The following FAT2 variants were observed in gnomAD, a reference collection of about 807,000 sequenced individuals.
The protein encoded by FAT2 is FAT atypical cadherin 2.
Under a neutral mutation model 295.3 loss-of-function variants are expected in FAT2, and 150 were observed. That is an observed-to-expected ratio of 0.51 (90% CI 0.44 to 0.58). The LOEUF is 0.58. Ranked by LOEUF, FAT2 falls within the 20% of genes least tolerant of loss-of-function variation. The pLI is 0.00. For missense variants in FAT2, 4,868 were observed against 5,442.7 expected, an observed-to-expected ratio of 0.89 and a Z score of 3.32; for synonymous variants, 2,026 against 2,150.3, an observed-to-expected ratio of 0.94 and a Z score of 1.60.
Position 151,537,333 on chromosome 5 carries a change from GAAAAGA to G in FAT2, c.9193+454_9193+459del, listed in dbSNP as rs766409389. 9.7e-3 allele frequency among the ~76,000 whole-genome samples: 701 copies of G among 71,958 alleles called. 6 individuals are homozygous for G. Among genetic ancestry groups the G allele is most frequent in the African/African-American group, 0.023 (547 of 23,574 alleles). 47.2% of individuals were successfully genotyped at this position (71,958 alleles called of 152,430 possible). ...AGAAAAAGAAAGAGAAAAAAAGAAA[GAAAAGA>G]AAAGAAAAGAAAAAAGAAGGAAGGA... On this transcript the variant is annotated intron_variant, in intron 12 of 23. Coordinates refer to ENST00000261800, the MANE Select transcript of FAT2 (RefSeq NM_001447.3).
In FAT2 at chr5:151,567,299, C is replaced by G. The variant is rs1375031772; in HGVS notation, c.1633G>C (p.Glu545Gln). The G allele has an allele frequency of 4.3e-6, 7 of 1,614,034 alleles. No homozygotes were observed. The highest frequency in any genetic ancestry group is 5.1e-6 in the Non-Finnish European group (6 of 1,179,992). ...TGAAGAAAAATGGACACTTCCTTCT[C>G]CCGGCGAAAAGGGGATCCCCAGTCT... The part of the protein sequence containing the change: ...ASDWGSPFRR[E>Q]KEVSIFLQLR... Residue 545 changes from glutamate (E) to glutamine (Q), a missense_variant, in exon 2 of 24, where the codon GAG becomes CAG. Glu to Gln is a conservative substitution (Grantham distance 29). Around this residue, in one of 5 missense-constraint regions of FAT2, gnomAD observed 3,297 missense variants for 3,669.4 expected, o/e 0.90. Transcript: ENST00000261800.
chr5:151,591,610 A>G (rs74695274), upstream of FAT2, among the ~76,000 whole-genome samples: 1,752 of 149,864 alleles, frequency 0.012, 13 homozygotes, highest in Non-Finnish European at 0.02. Context: ...CAAGGGAACT[A>G]GAAAAGGTCA....
chr5:151,563,406 C>T lies in FAT2; in HGVS notation c.3493G>A (p.Asp1165Asn). The change falls in exon 3 of 24, where the codon GAC becomes AAC. Residue 1165 changes from aspartate (D) to asparagine (N), a missense_variant. Physicochemically the swap from Asp to Asn is conservative, Grantham distance 23. Transcript: ENST00000261800. Reference protein sequence around the residue: ...SVLQLDAWDPDSSSKGKLTFN... With the variant: ...SVLQLDAWDPNSSSKGKLTFN... ...GTCAGCTTCCCTTTGGAGCTGGAGT[C>T]TGGGTCCCAGGCATCCAGTTGAAGC... The T allele has an allele frequency of 6.2e-7, 1 of 1,614,200 alleles. No individual in the cohort carries two copies. The highest frequency in any genetic ancestry group is 8.5e-7 in the Non-Finnish European group (1 of 1,180,032).
chr5:151,584,023 A>C (rs1288355603), intron 1 of FAT2, among the ~76,000 whole-genome samples: 280 of 143,134 alleles, frequency 2.0e-3, no homozygotes, highest in Non-Finnish European at 3.4e-3. Context: ...AAAAAAAAAA[A>C]GTTTTTTTTA....
chr5:151,551,137 CAG>C (rs112584320), intron 7 of FAT2, among the ~76,000 whole-genome samples: 1 of 152,128 alleles, frequency 6.6e-6, no homozygotes, highest in African/African-American at 2.4e-5. Context: ...ATGTAAGAAA[CAG>C]ATAAAACACT....
intron 11 of FAT2, 77 bp from the exon 12 acceptor site, chr5:151,538,023 G>T: frequency 7.5e-7 from 1 of 1,340,672 alleles, no homozygotes; most frequent in Non-Finnish European, 1.0e-6. Flanking sequence ...GTGACTGACT[G>T]AGGGAGGCAG....
At chr5:151,518,723 T>C (rs773864487) in intron 19 of FAT2, among the ~76,000 whole-genome samples, 1 of 152,238 alleles carries the variant, frequency 6.6e-6, no homozygotes, top group Non-Finnish European at 1.5e-5. Flanking sequence ...CACAGTTGCA[T>C]AGTATGGAGT....
chr5:151,583,470 G>GTT (rs1021840119), intron 1 of FAT2, among the ~76,000 whole-genome samples: 2 of 152,166 alleles, frequency 1.3e-5, no homozygotes, highest in African/African-American at 2.4e-5. Flanking sequence ...GGTAGTCCAT[G>GTT]TTTATAAAGT....
Position 151,537,787 on chromosome 5 carries a change from A to G in FAT2, c.9193+6T>C. 1 of 1,607,052 alleles carries G rather than the reference A, an allele frequency of 6.2e-7. No individual in the cohort carries two copies. Among genetic ancestry groups the G allele is most frequent in the South Asian group, 1.1e-5 (1 of 90,096 alleles). On this transcript the variant is annotated splice_donor_region_variant and intron_variant, in intron 12 of 23. Coordinates refer to ENST00000261800, the MANE Select transcript of FAT2 (RefSeq NM_001447.3). ...TTGTTTTGATCCTGCAGCTCAGGAA[A>G]CCCACCTGTATGAGGATCCAGCTTG...
chr5:151,542,229 TC>T (rs1379331800), intron 10 of FAT2, 55 bp downstream of exon 10: 1 of 1,506,816 alleles, frequency 6.6e-7, no homozygotes, highest in Non-Finnish European at 8.9e-7. Flanking sequence ...GGGCACCTCT[TC>T]CTGGATGTTT....
rs398050849 is a variant in FAT2 at position 151,587,176 on chromosome 5, A to AC, written c.-21+3988dup. 3.9e-5 allele frequency among the ~76,000 whole-genome samples: 6 copies of AC among 151,926 alleles called. No individual in the cohort carries two copies. In the East Asian group the frequency reaches 7.7e-4, roughly 20 times the overall value. On this transcript the variant is annotated intron_variant, in intron 1 of 23. Transcript: ENST00000261800. Reference sequence around the variant, plus strand: ...AAAAACAAAACAAAACAAAAAAAAAACAAAAAAACCCAACATAATTGTTGA... The same window carrying AC: ...AAAAACAAAACAAAACAAAAAAAAAACCAAAAAAACCCAACATAATTGTTGA...
chr5:151,568,067 C>G lies in FAT2; in HGVS notation c.865G>C (p.Val289Leu). The change falls in exon 2 of 24, where the codon GTG (valine) becomes CTG (leucine). Residue 289 changes from valine (V) to leucine (L), a missense_variant. Val to Leu is a conservative substitution (Grantham distance 32, BLOSUM62 1). Around this residue, in one of 5 missense-constraint regions of FAT2, gnomAD observed 3,297 missense variants for 3,669.4 expected, o/e 0.90. Coordinates refer to ENST00000261800, the MANE Select transcript of FAT2 (RefSeq NM_001447.3). The part of the protein sequence containing the change: ...ANSSGAEVES[V>L]EVVGGDPGKH... ...CCAGGGTCACCACCAACAACTTCCA[C>G]TGACTCCACTTCAGCTCCTGAGCTA... 2 of 1,614,200 alleles carry G rather than the reference C, an allele frequency of 1.2e-6. No individual in the cohort carries two copies. Among genetic ancestry groups the G allele is most frequent in the Non-Finnish European group, 1.7e-6 (2 of 1,180,032 alleles).
intron 1 of FAT2, among the ~76,000 whole-genome samples, chr5:151,582,702 G>A (rs10044035): frequency 2.6e-5 from 4 of 152,168 alleles, no homozygotes; most frequent in African/African-American, 9.7e-5. Context: ...GGAAAAGACT[G>A]CAGTCTTTAG....
rs2127613751 is a variant in FAT2 at position 151,546,055 on chromosome 5, G to A, written c.5072C>T (p.Thr1691Ile). 1 of 1,614,146 alleles carries A rather than the reference G, an allele frequency of 6.2e-7. No individual in the cohort carries two copies. Among genetic ancestry groups the A allele is most frequent in the Non-Finnish European group, 8.5e-7 (1 of 1,180,042 alleles). ...CTTATTTCCCTCTCTTAACTCATAG[G>A]TAACTTCAGAGGGGCTCATAGCAGA... is the stretch of plus-strand genomic sequence containing the variant. The part of the protein sequence containing the change: ...LVSAMSPSEV[T>I]YELREGNKDG... Residue 1691 changes from threonine to isoleucine, a missense_variant, in exon 10 of 24, where the codon ACC becomes ATC. By Grantham distance (89) the Thr-to-Ile change is moderately conservative. Transcript: ENST00000261800.
chr5:151,505,223 A>T lies in FAT2; in HGVS notation c.*342T>A, dbSNP rs1004581415. 1.0e-5 allele frequency: 4 copies of T among 396,486 alleles called. No individual in the cohort carries two copies. Among genetic ancestry groups the T allele is most frequent in the East Asian group, 1.1e-4 (2 of 17,592 alleles). 24.6% of individuals were successfully genotyped at this position (396,486 alleles called of 1,614,324 possible). A position where few individuals can be genotyped will look rare whatever the true frequency, so the allele number is the denominator to read the frequency against. On this transcript the variant is annotated 3_prime_UTR_variant, in exon 24 of 24. Transcript: ENST00000261800. ...TTGGTGAAGTTGAGCCAGCACAGTC[A>T]ATCAGGCTCTGCCCCGGGGACTGAG...
At chr5:151,590,544 T>C (rs2127666682) in intron 1 of FAT2, among the ~76,000 whole-genome samples, 1 of 152,280 alleles carries the variant, frequency 6.6e-6, no homozygotes, top group East Asian at 1.9e-4. Flanking sequence ...TTGGTGCCAC[T>C]CAGACTCATG....
chr5:151,564,990 G>A (rs1037685781), intron 2 of FAT2, among the ~76,000 whole-genome samples: 3 of 152,062 alleles, frequency 2.0e-5, no homozygotes, highest in East Asian at 1.9e-4. Context: ...CAGGAGAATC[G>A]CTTGAACTCG....
At chr5:151,569,754 C>T (rs1758449984) in intron 1 of FAT2, among the ~76,000 whole-genome samples, 3 of 152,250 alleles carry the variant, frequency 2.0e-5, no homozygotes, top group Admixed American at 2.0e-4. Flanking sequence ...GTTTAGCTAT[C>T]TGGTTCTAAA....
chr5:151,535,127 A>C (rs1755125129), intron 12 of FAT2, among the ~76,000 whole-genome samples: 1 of 151,788 alleles, frequency 6.6e-6, no homozygotes, highest in Non-Finnish European at 1.5e-5. Context: ...CTGGTTAAGT[A>C]TATTATGATT....
Sources: allele counts gnomAD v4.1 joint callset (sites outside exome capture counted in the v4.1 genomes callset), GRCh38; gene constraint gnomAD v4.1.1; regional missense constraint gnomAD v4.1.1; transcripts MANE v1.5; gene names NCBI Gene and HGNC (gene_info 2026-07-23, HGNC 2026-07-21).